THSD4: variants seen among roughly 807,000 people sequenced by gnomAD.
The protein encoded by THSD4 is thrombospondin type-1 domain-containing protein 4.
A neutral mutation model predicts 119.0 loss-of-function variants in THSD4; 69 were observed. The ratio of observed to expected loss-of-function variants is 0.58; its 90% CI spans 0.48 to 0.71. The LOEUF is 0.71. Among genes scored for constraint, THSD4 ranks in the 30% least tolerant of loss-of-function variants. The probability of loss-of-function intolerance (pLI) is 0.00; values close to 1 mark genes in which losing one functional copy is unlikely to be tolerated. For missense variants in THSD4, 1,393 were observed against 1,391.1 expected (o/e 1.00, Z -0.02); for synonymous variants, 524 against 540.4 (o/e 0.97, Z 0.42).
chr15:71,747,102 G>C, intron 13 of THSD4, 60 bp downstream of exon 13: 2 of 1,526,410 alleles, frequency 1.3e-6, no homozygotes, highest in Middle Eastern at 3.5e-4. Context: ...ACACTTTCCA[G>C]CCTCCCCCAC....
chr15:71,553,119 G>A (rs1316767926), intron 7 of THSD4, among the ~76,000 whole-genome samples: 2 of 152,032 alleles, frequency 1.3e-5, no homozygotes, highest in East Asian at 1.9e-4. Flanking sequence ...ATTTATAAAC[G>A]TAAGGGTATG....
intron 8 of THSD4, among the ~76,000 whole-genome samples, chr15:71,711,571 G>A (rs74025509): frequency 0.17 from 25,809 of 152,072 alleles, 2,413 homozygotes; most frequent in Middle Eastern, 0.22. Context: ...AAAATAGAGC[G>A]AAATCTAGTC....
chr15:71,199,457 G>GGGTGTGTGTGTGTGTGGTGTGTGTGTGT (rs2043749027), intron 3 of THSD4, among the ~76,000 whole-genome samples: 1 of 109,370 alleles, frequency 9.1e-6, no homozygotes, highest in Non-Finnish European at 2.1e-5. Context: ...GTGTGTGGGG[G>GGGTGTGTGTGTGTGTGGTGTGTGTGTGT]GGGGTGTGTG....
At position 71,341,408 on chromosome 15, in the gene THSD4, G is replaced by C. The variant is rs144035270; in HGVS notation, c.1016-70279G>C. 8.1e-6 allele frequency: 13 copies of C among 1,611,818 alleles called. No homozygotes were observed. The East Asian group carries it at 2.9e-4, about 36-fold the overall frequency. On this transcript the variant is annotated intron_variant, in intron 6 of 17. Coordinates refer to ENST00000261862, the MANE Select transcript of THSD4 (RefSeq NM_024817.3). Reference sequence around the variant, plus strand: ...ATCTACATCTAAACCCTTAAGTTCAGCATTACTCTCTGCGTTTTTAAGCAT... The same window carrying C: ...ATCTACATCTAAACCCTTAAGTTCACCATTACTCTCTGCGTTTTTAAGCAT...
chr15:71,488,137 C>T (rs374187929), intron 7 of THSD4, among the ~76,000 whole-genome samples: 13 of 152,122 alleles, frequency 8.5e-5, no homozygotes, highest in Non-Finnish European at 1.3e-4. Context: ...TCTTGGGCAG[C>T]GGTAGATTTA....
rs575700083 is a variant in THSD4, at chr15:71,591,613, G to C, written c.1153-68917G>C. Among the ~76,000 whole-genome samples, 3 of 152,252 alleles carry C rather than the reference G, an allele frequency of 2.0e-5. No homozygotes were observed. The South Asian group carries it at 6.2e-4, about 32-fold the overall frequency. ...ACAAACACCTGGTGAATTCATGCTG[G>C]TGAAGCTCCAGGAGATGTCAGAGGG... On this transcript the variant is annotated intron_variant, in intron 7 of 17. Transcript: ENST00000261862.
At chr15:71,351,965 G>A (rs1043722551) in intron 6 of THSD4, among the ~76,000 whole-genome samples, 3 of 152,104 alleles carry the variant, frequency 2.0e-5, no homozygotes, top group Non-Finnish European at 4.4e-5. Context: ...TGCCTGCCCT[G>A]GTTCTTTTCA....
chr15:71,382,272 G>A (rs1176210402), intron 6 of THSD4, among the ~76,000 whole-genome samples: 5 of 152,054 alleles, frequency 3.3e-5, no homozygotes, highest in Non-Finnish European at 5.9e-5. Flanking sequence ...TGCCTAAAAG[G>A]TAAAGAAAAA....
intron 6 of THSD4, among the ~76,000 whole-genome samples, chr15:71,302,925 A>G (rs549099442): frequency 4.6e-5 from 7 of 152,158 alleles, no homozygotes; most frequent in Admixed American, 2.6e-4. Flanking sequence ...GCAGTCATCT[A>G]CATACTTCCC....
At chr15:71,154,981 G>A in intron 3 of THSD4, 49 bp downstream of exon 3, 2 of 1,577,424 alleles carry the variant, frequency 1.3e-6, no homozygotes, top group Non-Finnish European at 1.7e-6. Context: ...AGGGGCTAGG[G>A]CCACTGTGGT....
chr15:71,596,875 C>T (rs1020201038), intron 7 of THSD4, among the ~76,000 whole-genome samples: 1 of 152,158 alleles, frequency 6.6e-6, no homozygotes, highest in African/African-American at 2.4e-5. Context: ...GTTCTCCTGG[C>T]TTGGAATGCT....
At chr15:71,451,356 C>T (rs1399301636) in intron 7 of THSD4, among the ~76,000 whole-genome samples, 1 of 152,180 alleles carries the variant, frequency 6.6e-6, no homozygotes, top group Non-Finnish European at 1.5e-5. Flanking sequence ...TGGGATCAAC[C>T]TCCAAGCTCC....
intron 7 of THSD4, among the ~76,000 whole-genome samples, chr15:71,532,283 A>AGAGAGAGTGTGTGTGT (rs1379506089): frequency 3.9e-5 from 4 of 101,574 alleles, no homozygotes; most frequent in Non-Finnish European, 8.3e-5. Context: ...AGAGAGAGAG[A>AGAGAGAGTGTGTGTGT]GTGTGTGTGT....
At chr15:71,771,366 A>G (rs910681950) in intron 17 of THSD4, among the ~76,000 whole-genome samples, 158 bp downstream of exon 17, 1 of 152,176 alleles carries the variant, frequency 6.6e-6, no homozygotes, top group African/African-American at 2.4e-5. Context: ...TATAAATTTC[A>G]TGGTTTAAGA....
chr15:71,386,138 G>A (rs2140460060), intron 6 of THSD4, among the ~76,000 whole-genome samples: 1 of 152,298 alleles, frequency 6.6e-6, no homozygotes, highest in South Asian at 2.1e-4. Context: ...GTACAGAAAA[G>A]CAACACCAGA....
intron 2 of THSD4, among the ~76,000 whole-genome samples, chr15:71,153,131 A>G (rs527460534): frequency 7.7e-4 from 117 of 151,920 alleles, no homozygotes; most frequent in Admixed American, 1.8e-3. Flanking sequence ...CAATCCTTGT[A>G]CCCCCAGATA....
chr15:71,205,669 A>G lies in THSD4; in HGVS notation c.100-9366A>G, dbSNP rs146288454. Among the ~76,000 whole-genome samples the G allele has an allele frequency of 6.5e-3, 996 of 152,280 alleles. 9 individuals carry two copies. The highest frequency in any genetic ancestry group is 0.022 in the African/African-American group (920 of 41,574). Reference sequence around the variant, plus strand: ...TGAATGTATTGTGCTCCCGTCTTCCATACTGTGAGGTTCTTACACTGATAC... The same window carrying G: ...TGAATGTATTGTGCTCCCGTCTTCCGTACTGTGAGGTTCTTACACTGATAC... On this transcript the variant is annotated intron_variant, in intron 3 of 17. Transcript: ENST00000261862.
chr15:71,334,556 G>A (rs1203489249), intron 6 of THSD4, among the ~76,000 whole-genome samples: 1 of 152,180 alleles, frequency 6.6e-6, no homozygotes, highest in African/African-American at 2.4e-5. Context: ...GGGGGCAGTT[G>A]GTGCATGGCT....
Position 71,748,427 on chromosome 15 carries a change from G to T in THSD4, c.2248G>T (p.Val750Leu), listed in dbSNP as rs1011931187. The T allele has an allele frequency of 6.2e-7, 1 of 1,614,050 alleles. No homozygotes were observed. Among genetic ancestry groups the T allele is most frequent in the African/African-American group, 1.3e-5 (1 of 74,934 alleles). Residue 750 changes from valine (V) to leucine (L), a missense_variant, in exon 14 of 18, where the codon GTG (valine) becomes TTG (leucine). Coordinates refer to ENST00000261862, the MANE Select transcript of THSD4 (RefSeq NM_024817.3). ...TCAGTGTGCTGTGTTTCAGTGCTCG[G>T]TGCCCTGCGGCGTGGGACAGAGGAC... ...QIRTDWTSCS[V>L]PCGVGQRTRD...
Sources: gnomAD v4.1 joint callset for allele counts (sites outside exome capture counted in the v4.1 genomes callset) on GRCh38, gnomAD v4.1.1 for gene constraint, MANE v1.5 for transcripts, NCBI Gene and HGNC (gene_info 2026-07-23, HGNC 2026-07-21) for gene names.